The following CEBPZ variants were observed in gnomAD, a reference collection of about 807,000 sequenced individuals.
The protein encoded by CEBPZ is CCAAT enhancer binding protein zeta.
Under a neutral mutation model 104.5 loss-of-function variants are expected in CEBPZ, and 78 were observed. The ratio of observed to expected loss-of-function variants is 0.75; its 90% confidence interval spans 0.62 to 0.90. CEBPZ has a LOEUF of 0.90. CEBPZ is among the 40% of genes least tolerant of loss of function. The pLI is 0.00. For missense variants in CEBPZ, 1,439 were observed against 1,233.5 expected (o/e 1.17, Z -2.50); for synonymous variants, 470 against 427.0 (o/e 1.10, Z -1.24).
chr2:37,201,999 G>T, intron 15 of CEBPZ, 96 bp from the exon 16 acceptor site: 1 of 1,194,168 alleles, frequency 8.4e-7, no homozygotes, highest in Non-Finnish European at 1.2e-6. Context: ...CTTCTAGCCT[G>T]CCTTGGCCTG....
At chr2:37,229,830 T>C (rs1265411565) in intron 1 of CEBPZ, among the ~76,000 whole-genome samples, 1 of 152,172 alleles carries the variant, frequency 6.6e-6, no homozygotes, top group Non-Finnish European at 1.5e-5. Context: ...AACCTCAGCC[T>C]GTAGCTGGCA....
At chr2:37,203,300 A>G in intron 13 of CEBPZ, 1 of 205,586 alleles carries the variant, frequency 4.9e-6, no homozygotes, top group East Asian at 1.1e-4. Flanking sequence ...CATAGTATCA[A>G]GCAATAGTAA....
At chr2:37,207,672 A>C (rs1164188725) in intron 13 of CEBPZ, among the ~76,000 whole-genome samples, 1 of 152,234 alleles carries the variant, frequency 6.6e-6, no homozygotes, top group Non-Finnish European at 1.5e-5. Context: ...TAGTAAGTTC[A>C]CAGCATTAAA....
chr2:37,211,766 C>A (rs762383155), intron 12 of CEBPZ, 77 bp downstream of exon 12: 20 of 1,098,134 alleles, frequency 1.8e-5, no homozygotes, highest in Non-Finnish European at 2.4e-5. Flanking sequence ...ATATTAAAAA[C>A]CTTTAGCAGA....
At chr2:37,229,571 G>T (rs930447303) in intron 1 of CEBPZ, among the ~76,000 whole-genome samples, 5 of 152,214 alleles carry the variant, frequency 3.3e-5, no homozygotes, top group Non-Finnish European at 7.3e-5. Context: ...TGGGGAAGGG[G>T]TGGCGGAAAC....
intron 13 of CEBPZ, among the ~76,000 whole-genome samples, chr2:37,207,921 A>G (rs1290672373): frequency 6.6e-6 from 1 of 152,192 alleles, no homozygotes; most frequent in Non-Finnish European, 1.5e-5. Context: ...CCAAAAAAAG[A>G]AGAGAGAAGA....
At chr2:37,229,177 C>A in intron 1 of CEBPZ, 141 bp from the exon 2 acceptor site, 1 of 692,816 alleles carries the variant, frequency 1.4e-6, no homozygotes, top group South Asian at 3.6e-5. Context: ...TCAGGGTCCA[C>A]AAAGGAAAGG....
chr2:37,208,424 C>T (rs1677610105), intron 13 of CEBPZ, among the ~76,000 whole-genome samples: 1 of 152,144 alleles, frequency 6.6e-6, no homozygotes, highest in Admixed American at 6.6e-5. Context: ...ACTCCAACAG[C>T]ATATCAAAAA....
At chr2:37,212,852 C>G (rs147452302) in intron 10 of CEBPZ, among the ~76,000 whole-genome samples, 3 of 119,794 alleles carry the variant, frequency 2.5e-5, no homozygotes, top group Non-Finnish European at 5.3e-5. Context: ...AAAAAAAAAA[C>G]AAAAACAACA....
chr2:37,228,415 C>T lies in CEBPZ; in HGVS notation c.778G>A (p.Val260Ile), dbSNP rs756168907. The T allele has an allele frequency of 1.3e-5, 21 of 1,614,094 alleles. No homozygotes were observed. The highest frequency in any genetic ancestry group is 3.3e-5 in the Admixed American group (2 of 59,998). Residue 260 changes from valine to isoleucine, a missense_variant, in exon 2 of 16, where the codon GTT (valine) becomes ATT (isoleucine). Transcript: ENST00000234170. Reference sequence around the variant, plus strand: ...GTTTCTACAAACTGAAGTGTGTGAACGGCATCATCCTGAATAAGAAGAATC... The same window carrying T: ...GTTTCTACAAACTGAAGTGTGTGAATGGCATCATCCTGAATAAGAAGAATC... ...AMILLIQDDA[V>I]HTLQFVETLV...
intron 13 of CEBPZ, chr2:37,203,332 G>A (rs1677374092): frequency 5.8e-6 from 1 of 172,942 alleles, no homozygotes. Flanking sequence ...TGACATGGAT[G>A]GGTTTTGAAA....
In CEBPZ at chr2:37,227,934, A is replaced by G. The variant is rs1664930877; in HGVS notation, c.1259T>C (p.Val420Ala). The change falls in exon 2 of 16, where the codon GTG becomes GCG. Residue 420 changes from valine to alanine, a missense_variant. Val to Ala is a moderately conservative substitution (Grantham distance 64). Coordinates refer to ENST00000234170, the MANE Select transcript of CEBPZ (RefSeq NM_005760.3). ...GAGTAGCCTTTCTACTTCACCAGAC[A>G]CAACTCCTTTCATATTGGGATGTTT... The part of the protein sequence containing the change: ...LCKHPNMKGV[V>A]SGEVERLLFR... The G allele has an allele frequency of 1.2e-6, 2 of 1,614,094 alleles. No individual in the cohort carries two copies. The highest frequency in any genetic ancestry group is 1.7e-6 in the Non-Finnish European group (2 of 1,180,046).
chr2:37,225,610 G>A lies in CEBPZ; in HGVS notation c.1649+1934C>T, dbSNP rs545079786. On this transcript the variant is annotated intron_variant, in intron 2 of 15. Transcript: ENST00000234170. ...TCAAGTACCCAGGGACACAAAAACT[G>A]CGGAAGGCCGCAGGGACCTCTGCCT... Among the ~76,000 whole-genome samples, 401 of 85,572 alleles carry A rather than the reference G, an allele frequency of 4.7e-3. 2 individuals carry two copies. The highest frequency in any genetic ancestry group is 5.5e-3 in the Non-Finnish European group (239 of 43,144). 56.1% of individuals were successfully genotyped at this position (85,572 alleles called of 152,430 possible).
At chr2:37,205,190 G>A (rs1231076233) in intron 13 of CEBPZ, among the ~76,000 whole-genome samples, 1 of 152,192 alleles carries the variant, frequency 6.6e-6, no homozygotes, top group Non-Finnish European at 1.5e-5. Context: ...GTGAGGCTCT[G>A]AAAGACTACT....
chr2:37,222,592 C>A, intron 3 of CEBPZ, 29 bp from the exon 4 acceptor site: 1 of 1,485,816 alleles, frequency 6.7e-7, no homozygotes, highest in Non-Finnish European at 9.1e-7. Context: ...CATAAATCTA[C>A]ATAAATCAAC....
intron 1 of CEBPZ, chr2:37,231,184 C>T: frequency 1.4e-6 from 1 of 704,118 alleles, no homozygotes; most frequent in South Asian, 1.5e-5. Context: ...AGAAGATCGC[C>T]TACATCCTAA....
chr2:37,218,686 C>T (rs1229504075), intron 5 of CEBPZ, among the ~76,000 whole-genome samples: 1 of 152,048 alleles, frequency 6.6e-6, no homozygotes, highest in Non-Finnish European at 1.5e-5. Context: ...GGTGGATCAC[C>T]TGAAGTCAGG....
chr2:37,213,983 T>C, intron 9 of CEBPZ, 22 bp from the exon 10 acceptor site: 3 of 1,320,380 alleles, frequency 2.3e-6, no homozygotes, highest in Non-Finnish European at 3.1e-6. Context: ...ATGTTATATA[T>C]TTGACAATTT....
intron 3 of CEBPZ, 130 bp downstream of exon 3, chr2:37,223,040 G>T: frequency 4.2e-6 from 3 of 721,880 alleles, no homozygotes; most frequent in Non-Finnish European, 6.8e-6. Context: ...ATCTAGGTTT[G>T]TCCTATTCCA....
Sources: gnomAD v4.1 joint callset for allele counts (sites outside exome capture counted in the v4.1 genomes callset) on GRCh38, gnomAD v4.1.1 for gene constraint, MANE v1.5 for transcripts, NCBI Gene and HGNC (gene_info 2026-07-23, HGNC 2026-07-21) for gene names.